Variants in B3GALT1 observed in about 807,000 individuals in gnomAD.
B3GALT1 encodes beta-1,3-galactosyltransferase 1.
A neutral mutation model predicts 23.2 loss-of-function variants in B3GALT1; 10 were observed. The ratio of observed to expected loss-of-function variants is 0.43; its 90% CI spans 0.27 to 0.73. The LOEUF (loss-of-function observed/expected upper bound fraction) is 0.73, where lower values mean the gene tolerates loss of function less well. Among genes scored for constraint, B3GALT1 ranks in the 30% least tolerant of loss-of-function variants. B3GALT1 has a pLI of 0.21. For missense variants in B3GALT1, 299 were observed against 405.4 expected, an observed-to-expected ratio of 0.74 and a Z score of 2.25; for synonymous variants, 156 against 141.5, an observed-to-expected ratio of 1.10 and a Z score of -0.73.
At chr2:167,554,926 T>C (rs554383740) in intron 2 of B3GALT1, among the ~76,000 whole-genome samples, 1 of 152,250 alleles carries the variant, frequency 6.6e-6, no homozygotes, top group East Asian at 1.9e-4. Flanking sequence ...ACATGTTAAT[T>C]AATCATATAC....
chr2:167,632,010 G>C (rs1685457498), intron 2 of B3GALT1, among the ~76,000 whole-genome samples: 1 of 150,588 alleles, frequency 6.6e-6, no homozygotes, highest in African/African-American at 2.4e-5. Context: ...TGTTCTCATT[G>C]TTCAACTCCC....
At chr2:167,643,265 A>G (rs1685687191) in intron 2 of B3GALT1, among the ~76,000 whole-genome samples, 1 of 152,198 alleles carries the variant, frequency 6.6e-6, no homozygotes, top group South Asian at 2.1e-4. Flanking sequence ...TGATGATTCA[A>G]GTATTTTTGG....
intron 3 of B3GALT1, among the ~76,000 whole-genome samples, chr2:167,683,460 A>G (rs1686569230): frequency 6.6e-6 from 1 of 152,166 alleles, no homozygotes; most frequent in African/African-American, 2.4e-5. Flanking sequence ...CAGGCACAGT[A>G]GCTCATGCCT....
At chr2:167,610,221 T>C (rs1303423599) in intron 2 of B3GALT1, among the ~76,000 whole-genome samples, 1 of 152,100 alleles carries the variant, frequency 6.6e-6, no homozygotes, top group Non-Finnish European at 1.5e-5. Context: ...TATGTAAAGA[T>C]TTAACTACGT....
rs1275265295 is a variant in B3GALT1, at chr2:167,458,759, A to C, written c.-510-31418A>C. 2.0e-5 allele frequency among the ~76,000 whole-genome samples: 3 copies of C among 152,284 alleles called. No homozygotes were observed. In the East Asian group the frequency reaches 5.8e-4, roughly 29 times the overall value. On this transcript the variant is annotated intron_variant, in intron 1 of 4. Coordinates refer to ENST00000392690, the MANE Select transcript of B3GALT1 (RefSeq NM_020981.4). ...TATTGGCCGTTTGTTTATCATCTGA[A>C]GAAATGTCTGTTCAAGTCCTTTGCC...
intron 2 of B3GALT1, among the ~76,000 whole-genome samples, chr2:167,541,309 T>C (rs1683530732): frequency 6.6e-6 from 1 of 152,168 alleles, no homozygotes; most frequent in Non-Finnish European, 1.5e-5. Flanking sequence ...ATTTCTATTC[T>C]TCTCCTCACA....
At chr2:167,711,800 C>T (rs946713756) in intron 3 of B3GALT1, among the ~76,000 whole-genome samples, 1 of 151,996 alleles carries the variant, frequency 6.6e-6, no homozygotes, top group Non-Finnish European at 1.5e-5. Context: ...CTCCATCTAT[C>T]CTAAAAATAC....
chr2:167,824,513 G>T lies in B3GALT1; in HGVS notation c.-230+5720G>T, dbSNP rs1301600992. ...ATTGGCAGGATGTGGTGATGGATTA[G>T]GTACAGAGTTAAGAGGTGAAACCGG... On this transcript the variant is annotated intron_variant, in intron 4 of 4. Transcript: ENST00000392690. Among the ~76,000 whole-genome samples the T allele has an allele frequency of 2.6e-5, 4 of 152,192 alleles. No individual in the cohort carries two copies. The East Asian group carries it at 7.7e-4, about 29-fold the overall frequency.
chr2:167,412,112 A>C (rs765125728), intron 1 of B3GALT1, among the ~76,000 whole-genome samples: 44 of 101,262 alleles, frequency 4.3e-4, no homozygotes, highest in Non-Finnish European at 7.2e-4. Context: ...CAAAAAGGTA[A>C]TTAAATGGCA....
chr2:167,870,171 AT>A lies in B3GALT1; in HGVS notation c.*154del, dbSNP rs1690315029. 1.3e-6 allele frequency: 1 copy of A among 751,758 alleles called. No individual in the cohort carries two copies. Among genetic ancestry groups the A allele is most frequent in the South Asian group, 2.3e-5 (1 of 43,578 alleles). The allele number at this position is 751,758 out of a possible 1,614,324, so 46.6% of individuals were successfully genotyped here. A position where few individuals can be genotyped will look rare whatever the true frequency, so the allele number is the denominator to read the frequency against. ...TATAAGTTCTTTTCTTGGATTACCA[AT>A]TTATGAATGTTAGACTCTGGTCATA... is the stretch of plus-strand genomic sequence containing the variant. On this transcript the variant is annotated 3_prime_UTR_variant, in exon 5 of 5. Transcript: ENST00000392690.
rs895127521 is a variant in B3GALT1 at position 167,808,337 on chromosome 2, C to G, written c.-351-10335C>G. 8.4e-4 allele frequency among the ~76,000 whole-genome samples: 128 copies of G among 151,564 alleles called. 1 individual carries two copies. Among genetic ancestry groups the G allele is most frequent in the Non-Finnish European group, 1.4e-3 (98 of 67,948 alleles). On this transcript the variant is annotated intron_variant, in intron 3 of 4. Coordinates refer to ENST00000392690, the MANE Select transcript of B3GALT1 (RefSeq NM_020981.4). ...AATATTGTTATGTGTGAATTTGATC[C>G]TGTCATTATGATGTTAGCTGGTTAT...
intron 2 of B3GALT1, among the ~76,000 whole-genome samples, chr2:167,527,844 C>T (rs1335375259): frequency 1.3e-5 from 2 of 152,072 alleles, no homozygotes; most frequent in African/African-American, 4.8e-5. Flanking sequence ...AGTTTAGAAC[C>T]TGAAGTTTGT....
intron 2 of B3GALT1, among the ~76,000 whole-genome samples, chr2:167,544,312 T>G (rs1359413470): frequency 2.0e-5 from 3 of 152,182 alleles, no homozygotes; most frequent in Non-Finnish European, 4.4e-5. Flanking sequence ...TGTTTGTTTT[T>G]GGGACAGAGT....
At chr2:167,740,218 A>G (rs1687558505) in intron 3 of B3GALT1, among the ~76,000 whole-genome samples, 1 of 152,142 alleles carries the variant, frequency 6.6e-6, no homozygotes, top group Non-Finnish European at 1.5e-5. Context: ...GAACACATTT[A>G]ATAGGTTCTC....
At chr2:167,839,155 A>G (rs1425053277) in intron 4 of B3GALT1, among the ~76,000 whole-genome samples, 1 of 152,170 alleles carries the variant, frequency 6.6e-6, no homozygotes, top group Admixed American at 6.5e-5. Flanking sequence ...CCTATTCAAC[A>G]TAGTGTTGGA....
At chr2:167,747,462 A>C (rs141053640) in intron 3 of B3GALT1, among the ~76,000 whole-genome samples, 5 of 152,352 alleles carry the variant, frequency 3.3e-5, no homozygotes, top group African/African-American at 1.2e-4. Flanking sequence ...AGACAGATAC[A>C]GCTTGAAAGA....
At chr2:167,609,799 G>T (rs890627538) in intron 2 of B3GALT1, among the ~76,000 whole-genome samples, 2 of 152,086 alleles carry the variant, frequency 1.3e-5, no homozygotes, top group Admixed American at 6.6e-5. Flanking sequence ...CTTCCACATG[G>T]AAATGAATGG....
chr2:167,473,544 A>G (rs537508502), intron 1 of B3GALT1, among the ~76,000 whole-genome samples: 1 of 152,086 alleles, frequency 6.6e-6, no homozygotes, highest in African/African-American at 2.4e-5. Context: ...AAAAGAAATA[A>G]CTCATATTAT....
intron 3 of B3GALT1, among the ~76,000 whole-genome samples, chr2:167,801,068 G>A (rs1358672322): frequency 6.6e-6 from 1 of 152,182 alleles, no homozygotes; most frequent in African/African-American, 2.4e-5. Flanking sequence ...TGTAAATAAT[G>A]AGTAAATGCA....
Sources: allele counts gnomAD v4.1 joint callset (sites outside exome capture counted in the v4.1 genomes callset), GRCh38; gene constraint gnomAD v4.1.1; transcripts MANE v1.5; gene names NCBI Gene and HGNC (gene_info 2026-07-23, HGNC 2026-07-21).